SETD7: variants seen among roughly 807,000 people sequenced by gnomAD.
The protein encoded by SETD7 is histone-lysine N-methyltransferase SETD7.
Under a neutral mutation model 41.8 loss-of-function variants are expected in SETD7, and 16 were observed. The observed-to-expected ratio is 0.38, with a 90% confidence interval of 0.26 to 0.58. The LOEUF (loss-of-function observed/expected upper bound fraction) is 0.58, where lower values mean the gene tolerates loss of function less well. Among genes scored for constraint, SETD7 ranks in the 20% least tolerant of loss-of-function variants. The pLI is 0.64. For synonymous variants in SETD7, 163 were observed against 169.7 expected, an observed-to-expected ratio of 0.96 and a Z score of 0.31; for missense variants, 346 against 459.7, an observed-to-expected ratio of 0.75 and a Z score of 2.26.
rs542793196 is a variant in SETD7, at chr4:139,537,284, C to T, written c.171-3918G>A. On this transcript the variant is annotated intron_variant, in intron 2 of 7. Coordinates refer to ENST00000274031, the MANE Select transcript of SETD7 (RefSeq NM_030648.4). The stretch of plus-strand genomic sequence containing the variant: ...GCCACCGCGCCTGGCTGCACCACTG[C>T]CCTCTAACCTGGGCAACAGAGCGAG... Among the ~76,000 whole-genome samples the T allele has an allele frequency of 7.2e-5, 11 of 152,272 alleles. No homozygotes were observed. The East Asian group carries it at 1.5e-3, about 21-fold the overall frequency.
At chr4:139,526,349 AG>A (rs569107814) in intron 4 of SETD7, among the ~76,000 whole-genome samples, 187 of 151,226 alleles carry the variant, frequency 1.2e-3, no homozygotes, top group Non-Finnish European at 2.4e-3. Flanking sequence ...AGCTCACTGC[AG>A]CCCTGACTTC....
rs1312860802 is a variant in SETD7, at chr4:139,509,611, ACAACCCACTTGATCGAGGTTAATGCAAG to A, written c.*2024_*2051del. ...TGACCGTATTCCCTGACCTGGCTGC[ACAACCCACTTGATCGAGGTTAATGCAAG>A]CCATCTTTCTCCTGAAGACAGTCAC... On this transcript the variant is annotated 3_prime_UTR_variant, in exon 8 of 8. Coordinates refer to ENST00000274031, the MANE Select transcript of SETD7 (RefSeq NM_030648.4). 2.6e-6 allele frequency: 2 copies of A among 762,324 alleles called. No homozygotes were observed. Among genetic ancestry groups the A allele is most frequent in the Non-Finnish European group, 3.2e-6 (2 of 626,278 alleles). 47.2% of individuals were successfully genotyped at this position (762,324 alleles called of 1,614,324 possible). A position where few individuals can be genotyped will look rare whatever the true frequency, so the allele number is the denominator to read the frequency against.
At chr4:139,538,882 C>A (rs373601103) in intron 2 of SETD7, among the ~76,000 whole-genome samples, 2 of 152,212 alleles carry the variant, frequency 1.3e-5, no homozygotes, top group South Asian at 4.2e-4. Flanking sequence ...AATTAAATTT[C>A]TTTTTCTGCA....
At chr4:139,498,065 A>G (rs1209864355) in intron 7 of SETD7, among the ~76,000 whole-genome samples, 1 of 152,190 alleles carries the variant, frequency 6.6e-6, no homozygotes, top group Non-Finnish European at 1.5e-5. Context: ...GGTGACCGTT[A>G]TTTGCACTAA....
downstream of SETD7, among the ~76,000 whole-genome samples, chr4:139,493,455 A>G (rs1051264283): frequency 6.6e-6 from 1 of 152,166 alleles, no homozygotes; most frequent in African/African-American, 2.4e-5. Context: ...GAGCCAGTCC[A>G]TTGTAAATAG....
Position 139,506,662 on chromosome 4 carries a change from A to T in SETD7, c.*5001T>A, listed in dbSNP as rs889790288. 6 of 152,634 alleles carry T rather than the reference A, an allele frequency of 3.9e-5. 1 individual carries two copies. The highest frequency in any genetic ancestry group is 3.9e-4 in the Admixed American group (6 of 15,282). The allele number at this position is 152,634 out of a possible 1,614,324, so 9.5% of individuals were successfully genotyped here. On this transcript the variant is annotated 3_prime_UTR_variant, in exon 8 of 8. Transcript: ENST00000274031. Reference sequence around the variant, plus strand: ...ACTATACACAGTGAAAATTTATCCTAATATGTATCATTTCATTATATCCAG... The same window carrying T: ...ACTATACACAGTGAAAATTTATCCTTATATGTATCATTTCATTATATCCAG...
At chr4:139,501,601 G>T (rs550825375), downstream of SETD7, among the ~76,000 whole-genome samples, 71 of 141,514 alleles carry the variant, frequency 5.0e-4, no homozygotes, top group Non-Finnish European at 8.6e-4. Flanking sequence ...TTTTAAAAAG[G>T]TACTCAAAAA....
At chr4:139,539,847 C>T (rs1159434487) in intron 2 of SETD7, among the ~76,000 whole-genome samples, 1 of 152,172 alleles carries the variant, frequency 6.6e-6, no homozygotes, top group East Asian at 1.9e-4. Flanking sequence ...CCTTTACTTT[C>T]CACCATGTGA....
At chr4:139,541,950 G>A (rs1044191965) in intron 2 of SETD7, among the ~76,000 whole-genome samples, 17 of 152,076 alleles carry the variant, frequency 1.1e-4, no homozygotes, top group African/African-American at 4.1e-4. Flanking sequence ...CATGTTTATT[G>A]CACTATTCAC....
intron 1 of SETD7, among the ~76,000 whole-genome samples, chr4:139,554,352 A>C (rs1158783832): frequency 6.6e-6 from 1 of 152,242 alleles, no homozygotes; most frequent in Non-Finnish European, 1.5e-5. Context: ...ACAACTGGAC[A>C]TATGTTTGTA....
At chr4:139,542,502 A>T (rs1327671235) in intron 2 of SETD7, among the ~76,000 whole-genome samples, 1 of 152,194 alleles carries the variant, frequency 6.6e-6, no homozygotes, top group Non-Finnish European at 1.5e-5. Flanking sequence ...ATCACACTTT[A>T]CCCCAGAAAA....
Position 139,534,609 on chromosome 4 carries a change from C to T in SETD7, c.171-1243G>A, listed in dbSNP as rs116365274. On this transcript the variant is annotated intron_variant, in intron 2 of 7. Coordinates refer to ENST00000274031, the MANE Select transcript of SETD7 (RefSeq NM_030648.4). ...TTTGTCATGTTACGTATGCTGGTCT[C>T]GAACTCCTGGGCTCAAGGGATCCAC... Among the ~76,000 whole-genome samples the T allele has an allele frequency of 8.7e-3, 1,326 of 152,144 alleles. 25 individuals are homozygous for T. The highest frequency in any genetic ancestry group is 0.031 in the African/African-American group (1,269 of 41,504).
intron 1 of SETD7, among the ~76,000 whole-genome samples, chr4:139,549,526 T>TCCTTCCTTCCTTCCTTCCTTCCTC (rs1198528749): frequency 2.0e-5 from 3 of 151,730 alleles, no homozygotes; most frequent in African/African-American, 7.3e-5. Flanking sequence ...CTTCCTTCCT[T>TCCTTCCTTCCTTCCTTCCTTCCTC]CCTCCCTTTT....
Position 139,520,301 on chromosome 4 carries a change from A to G in SETD7, c.738T>C (p.Asn246=), listed in dbSNP as rs552057527. 1.3e-4 allele frequency: 210 copies of G among 1,601,212 alleles called. 2 individuals are homozygous for G. In the South Asian group the frequency reaches 2.2e-3, roughly 17 times the overall value. ...CCTCTTGGTGTGTAATTCGAACTCC[A>G]TTATAAAAAGACATAACAGTATTAG... ...VGPNTVMSFY[N]GVRITHQEVD... The change falls in exon 6 of 8, where the codon AAT becomes AAC. Residue 246 remains asparagine (N), a synonymous_variant. Coordinates refer to ENST00000274031, the MANE Select transcript of SETD7 (RefSeq NM_030648.4).
At position 139,556,109 on chromosome 4, in the gene SETD7, T is replaced by C; in HGVS notation, c.29A>G (p.Glu10Gly). MDSDDEMVE[E>G]AVEGHLDDDG... ...AGAAATGCTTGTACCTTCCACCGCC[T>C]CCTCCACCATCTCGTCGTCGCTATC... Residue 10 changes from glutamate (E) to glycine (G), a missense_variant, in exon 1 of 8, where the codon GAG (glutamate) becomes GGG (glycine). Physicochemically the swap from Glu to Gly is moderately conservative, Grantham distance 98. Around this residue, in one of 3 missense-constraint regions of SETD7, gnomAD observed 266 missense variants for 377.0 expected, o/e 0.71. Transcript: ENST00000274031. The C allele has an allele frequency of 6.2e-7, 1 of 1,604,036 alleles. No individual in the cohort carries two copies. The highest frequency in any genetic ancestry group is 1.7e-5 in the Admixed American group (1 of 59,022).
chr4:139,501,347 C>T (rs549606522), downstream of SETD7, among the ~76,000 whole-genome samples: 19 of 142,410 alleles, frequency 1.3e-4, no homozygotes, highest in African/African-American at 4.6e-4. Flanking sequence ...AACCAAAACC[C>T]GTTATGTTTT....
intron 7 of SETD7, among the ~76,000 whole-genome samples, chr4:139,515,490 G>A (rs1460447636): frequency 1.3e-5 from 2 of 152,192 alleles, no homozygotes; most frequent in Non-Finnish European, 2.9e-5. Context: ...TTTTAAAGGA[G>A]TGGTCTTAAG....
intron 7 of SETD7, among the ~76,000 whole-genome samples, chr4:139,514,703 A>G (rs1240951380): frequency 2.0e-5 from 3 of 152,230 alleles, no homozygotes; most frequent in Admixed American, 6.5e-5. Context: ...TGAGTGGTCT[A>G]TAAACGTGAG....
At chr4:139,536,183 A>G (rs1417774192) in intron 2 of SETD7, among the ~76,000 whole-genome samples, 1 of 152,202 alleles carries the variant, frequency 6.6e-6, no homozygotes, top group African/African-American at 2.4e-5. Context: ...TCCCTGCTCT[A>G]AAAAGCTCTG....
Sources: gnomAD v4.1 joint callset for allele counts (sites outside exome capture counted in the v4.1 genomes callset) on GRCh38, gnomAD v4.1.1 for gene constraint, gnomAD v4.1.1 regional missense constraint, MANE v1.5 for transcripts, NCBI Gene and HGNC (gene_info 2026-07-23, HGNC 2026-07-21) for gene names.